Variants in TENM2 observed in about 807,000 individuals in gnomAD.
The protein encoded by TENM2 is teneurin transmembrane protein 2, also known as teneurin-2.
A neutral mutation model predicts 245.2 loss-of-function variants in TENM2; 52 were observed. The ratio of observed to expected loss-of-function variants is 0.21; its 90% CI spans 0.17 to 0.27. The LOEUF is 0.27. Ranked by LOEUF, TENM2 falls within the 10% of genes least tolerant of loss-of-function variation. The probability of loss-of-function intolerance (pLI) is 1.00; values close to 1 mark genes in which losing one functional copy is unlikely to be tolerated. For missense variants in TENM2, 3,046 were observed against 3,666.8 expected (o/e 0.83, Z 4.37); for synonymous variants, 1,363 against 1,438.9 (o/e 0.95, Z 1.19).
At chr5:167,071,879 C>CCA in the TENM2 span, among the ~76,000 whole-genome samples, 15 of 44,534 alleles carry the variant, frequency 3.4e-4, no homozygotes, top group Admixed American at 8.8e-4. Context: ...TGACAAATCG[C>CCA]CCCCCCCCGC....
chr5:167,171,778 T>A, the TENM2 span, among the ~76,000 whole-genome samples: 3,649 of 152,280 alleles, frequency 0.024, 133 homozygotes, highest in African/African-American at 0.082. Flanking sequence ...TTTTGCCTTC[T>A]GAACTCTTTC....
At chr5:167,443,050 A>G (rs1764957862) in intron 2 of TENM2, among the ~76,000 whole-genome samples, 1 of 152,222 alleles carries the variant, frequency 6.6e-6, no homozygotes, top group Non-Finnish European at 1.5e-5. Context: ...CCAATGCACA[A>G]AAGGTCACAC....
At chr5:167,836,990 T>C (rs2151126285) in intron 2 of TENM2, among the ~76,000 whole-genome samples, 1 of 152,062 alleles carries the variant, frequency 6.6e-6, no homozygotes, top group South Asian at 2.1e-4. Context: ...CTGAGTTGGG[T>C]AAATTCAAAA....
At chr5:167,571,434 T>C (rs1214119957) in intron 2 of TENM2, among the ~76,000 whole-genome samples, 1 of 152,164 alleles carries the variant, frequency 6.6e-6, no homozygotes, top group Non-Finnish European at 1.5e-5. Context: ...CACAGAGAAA[T>C]AAGTCACATA....
intron 26 of TENM2, among the ~76,000 whole-genome samples, chr5:168,245,056 C>T (rs1375680634): frequency 2.0e-5 from 3 of 152,002 alleles, no homozygotes; most frequent in African/African-American, 2.4e-5. Context: ...TATGAGTCAC[C>T]GCACCTGACC....
intron 2 of TENM2, among the ~76,000 whole-genome samples, chr5:167,473,296 A>G (rs1467462396): frequency 6.6e-6 from 1 of 152,208 alleles, no homozygotes; most frequent in African/African-American, 2.4e-5. Flanking sequence ...ATTGATGTTA[A>G]CAATACTGTT....
Position 167,325,787 on chromosome 5 carries a change from T to C in TENM2, c.226+40724T>C, listed in dbSNP as rs528407354. ...TTATATTCCAGACGTTGTTCTGGCATAGAAGATGGTAACAGTGAACACAGC... is the reference window on the plus strand; with the variant it reads ...TTATATTCCAGACGTTGTTCTGGCACAGAAGATGGTAACAGTGAACACAGC... On this transcript the variant is annotated intron_variant, in intron 1 of 28. Coordinates refer to ENST00000518659, the Ensembl canonical transcript of TENM2. Among the ~76,000 whole-genome samples the C allele has an allele frequency of 2.0e-5, 3 of 152,342 alleles. No homozygotes were observed. In the South Asian group the frequency reaches 6.2e-4, roughly 32 times the overall value.
chr5:167,956,772 A>G (rs770286535), intron 4 of TENM2, among the ~76,000 whole-genome samples: 5 of 152,198 alleles, frequency 3.3e-5, no homozygotes, highest in Non-Finnish European at 7.3e-5. Flanking sequence ...GATTAATTAC[A>G]TTTATTGATT....
At chr5:167,856,917 C>G (rs1433734447) in intron 2 of TENM2, among the ~76,000 whole-genome samples, 1 of 152,194 alleles carries the variant, frequency 6.6e-6, no homozygotes, top group Non-Finnish European at 1.5e-5. Context: ...TTAGAAAGCT[C>G]TTTACATGTT....
chr5:167,641,977 C>T (rs1779643174), intron 2 of TENM2, among the ~76,000 whole-genome samples: 1 of 151,750 alleles, frequency 6.6e-6, no homozygotes, highest in Non-Finnish European at 1.5e-5. Context: ...CCCGTTTCTA[C>T]TAAAAATACA....
chr5:167,473,434 C>T (rs535014536), intron 2 of TENM2, among the ~76,000 whole-genome samples: 10 of 152,264 alleles, frequency 6.6e-5, no homozygotes, highest in Admixed American at 6.5e-4. Context: ...AGCTAAATAG[C>T]ACATTTCTTT....
At chr5:168,004,515 GCGCACACACA>G (rs1381941164) in intron 5 of TENM2, among the ~76,000 whole-genome samples, 2 of 73,632 alleles carry the variant, frequency 2.7e-5, no homozygotes, top group Admixed American at 1.4e-4. Flanking sequence ...ATGCGCGCGC[GCGCACACACA>G]CACACACACA....
chr5:167,096,183 C>T, the TENM2 span, among the ~76,000 whole-genome samples: 8 of 152,066 alleles, frequency 5.3e-5, no homozygotes, highest in Non-Finnish European at 8.8e-5. Context: ...TGTTTTGATA[C>T]GTGTATACAT....
At chr5:167,140,484 C>T in the TENM2 span, among the ~76,000 whole-genome samples, 10 of 152,008 alleles carry the variant, frequency 6.6e-5, no homozygotes, top group Non-Finnish European at 1.2e-4. Flanking sequence ...TAATACCTGC[C>T]GCTCACAACC....
chr5:167,395,853 G>C (rs949120086), intron 2 of TENM2, among the ~76,000 whole-genome samples: 1 of 152,028 alleles, frequency 6.6e-6, no homozygotes, highest in Non-Finnish European at 1.5e-5. Flanking sequence ...TATATGAAAA[G>C]ACACTCAACA....
At chr5:167,193,354 C>T in the TENM2 span, among the ~76,000 whole-genome samples, 1 of 151,970 alleles carries the variant, frequency 6.6e-6, no homozygotes, top group Admixed American at 6.6e-5. Flanking sequence ...GAATCTGATT[C>T]CCCATATGCA....
the TENM2 span, among the ~76,000 whole-genome samples, chr5:167,227,077 G>GAGTCTATATTTTTCTTTAGAGGTAC: frequency 0.21 from 31,201 of 151,520 alleles, 3,734 homozygotes; most frequent in African/African-American, 0.33. Flanking sequence ...TCTTTACTGT[G>GAGTCTATATTTTTCTTTAGAGGTAC]AGTGCATTTC....
the TENM2 span, among the ~76,000 whole-genome samples, chr5:167,044,060 G>GGAAT: frequency 6.6e-6 from 1 of 151,412 alleles, no homozygotes; most frequent in Admixed American, 6.6e-5. Flanking sequence ...AAGGAAGGAA[G>GGAAT]GAAGGAAGGA....
intron 23 of TENM2, among the ~76,000 whole-genome samples, chr5:168,222,508 C>T (rs1289585895): frequency 2.0e-5 from 3 of 152,218 alleles, no homozygotes; most frequent in Non-Finnish European, 4.4e-5. Flanking sequence ...GAATAAGCTG[C>T]CATGCAATTC....
Sources: allele counts gnomAD v4.1 joint callset (sites outside exome capture counted in the v4.1 genomes callset), GRCh38; gene constraint gnomAD v4.1.1; transcripts MANE v1.5; gene names NCBI Gene and HGNC (gene_info 2026-07-23, HGNC 2026-07-21).